Variants in SGCD observed in about 807,000 individuals in gnomAD.
The protein encoded by SGCD is delta-sarcoglycan.
SGCD carries 18 observed loss-of-function variants against 36.6 expected under a neutral mutation model. That is an observed-to-expected ratio of 0.49 (90% CI 0.34 to 0.73). SGCD has a LOEUF of 0.73. Among genes scored for constraint, SGCD ranks in the 30% least tolerant of loss-of-function variants. SGCD has a pLI of 0.01. For missense variants in SGCD, 387 were observed against 346.7 expected (o/e 1.12, Z -0.92); for synonymous variants, 133 against 130.6 (o/e 1.02, Z -0.12).
chr5:155,957,945 A>G (rs1356759013), intron 1 of SGCD, among the ~76,000 whole-genome samples: 2 of 152,110 alleles, frequency 1.3e-5, no homozygotes, highest in African/African-American at 2.4e-5. Flanking sequence ...AGTTGTAGGT[A>G]GGTAGTCCTG....
At chr5:155,832,511 A>G in the SGCD span, among the ~76,000 whole-genome samples, 1 of 152,204 alleles carries the variant, frequency 6.6e-6, no homozygotes, top group African/African-American at 2.4e-5. Context: ...TCAGGATACA[A>G]CGCAAGCATT....
At position 156,001,016 on chromosome 5, in the gene SGCD, T is replaced by G. The variant is rs79539111; in HGVS notation, c.-281-116862T>G. ...ACTTTTGGGGCTTGTTGTCTTTCAC[T>G]GGGACCATCCAAGGGATATCCATCA... On this transcript the variant is annotated intron_variant, in intron 1 of 9. Coordinates refer to the SGCD transcript ENST00000517913. 2.7e-3 allele frequency among the ~76,000 whole-genome samples: 414 copies of G among 152,248 alleles called. 1 individual carries two copies. The highest frequency in any genetic ancestry group is 9.5e-3 in the African/African-American group (396 of 41,544).
At chr5:156,336,017 A>G (rs1204973334) in intron 2 of SGCD, among the ~76,000 whole-genome samples, 1 of 152,158 alleles carries the variant, frequency 6.6e-6, no homozygotes, top group African/African-American at 2.4e-5. Context: ...TTCCATGCCT[A>G]GGTTCTGCAG....
Position 156,376,347 on chromosome 5 carries a change from C to A in SGCD, c.192+31670C>A, listed in dbSNP as rs759755748. Among the ~76,000 whole-genome samples the A allele has an allele frequency of 3.2e-4, 48 of 152,170 alleles. 2 individuals are homozygous for A. Among genetic ancestry groups the A allele is most frequent in the Admixed American group, 2.6e-4 (4 of 15,274 alleles). On this transcript the variant is annotated intron_variant, in intron 3 of 8. Transcript: ENST00000337851. ...ATGTACATCTGTTGACAAGATTTCA[C>A]CCACAACGTCATGACTGATGGAAGA... is the stretch of plus-strand genomic sequence containing the variant.
At chr5:155,809,915 A>C in the SGCD span, among the ~76,000 whole-genome samples, 1 of 152,204 alleles carries the variant, frequency 6.6e-6, no homozygotes, top group South Asian at 2.1e-4. Flanking sequence ...GATCCTGGCC[A>C]GTCAGTGGCC....
chr5:155,932,692 A>G (rs1757122021), intron 1 of SGCD, among the ~76,000 whole-genome samples: 1 of 152,176 alleles, frequency 6.6e-6, no homozygotes, highest in Non-Finnish European at 1.5e-5. Flanking sequence ...CTGATGTGTA[A>G]AATGTTTTAA....
At chr5:156,215,319 A>G (rs1764543856) in intron 3 of SGCD, among the ~76,000 whole-genome samples, 1 of 152,124 alleles carries the variant, frequency 6.6e-6, no homozygotes, top group African/African-American at 2.4e-5. Flanking sequence ...GCCAAAAGGT[A>G]AAAATACACA....
chr5:156,128,338 A>G (rs1396847552), intron 3 of SGCD, among the ~76,000 whole-genome samples: 3 of 152,222 alleles, frequency 2.0e-5, no homozygotes, highest in Non-Finnish European at 4.4e-5. Flanking sequence ...AGTTTCTTAT[A>G]AAGTTGTCCA....
intron 3 of SGCD, among the ~76,000 whole-genome samples, chr5:156,198,902 C>T (rs1764081599): frequency 6.6e-6 from 1 of 151,800 alleles, no homozygotes; most frequent in South Asian, 2.1e-4. Context: ...TGCTATGTTG[C>T]CTTGGTTGGA....
intron 2 of SGCD, among the ~76,000 whole-genome samples, chr5:156,335,194 A>G (rs1329256215): frequency 6.6e-6 from 1 of 152,200 alleles, no homozygotes; most frequent in Non-Finnish European, 1.5e-5. Context: ...CTCAACTAGT[A>G]CCTCATACAT....
chr5:156,452,553 C>A (rs946755505), intron 3 of SGCD, among the ~76,000 whole-genome samples: 1 of 152,110 alleles, frequency 6.6e-6, no homozygotes, highest in African/African-American at 2.4e-5. Flanking sequence ...TCTTAGGTAA[C>A]CCTCATAACA....
Position 156,647,473 on chromosome 5 carries a change from G to T in SGCD, c.512G>T (p.Gly171Val). 1 of 1,583,328 alleles carries T rather than the reference G, an allele frequency of 6.3e-7. No individual in the cohort carries two copies. Among genetic ancestry groups the T allele is most frequent in the Non-Finnish European group, 8.6e-7 (1 of 1,162,526 alleles). Residue 171 changes from glycine to valine, a missense_variant, in exon 7 of 9, where the codon GGC becomes GTC. Gly to Val is a moderately radical substitution (Grantham distance 109). Coordinates refer to ENST00000337851, the MANE Select transcript of SGCD (RefSeq NM_000337.6). Reference sequence around the variant, plus strand: ...TCTGTTTTGTTTACAGGAGCGGAGGGCACAGTGTTCCCTAAATCTATAGAA... The same window carrying T: ...TCTGTTTTGTTTACAGGAGCGGAGGTCACAGTGTTCCCTAAATCTATAGAA... ...AERLRVLGAEGTVFPKSIETP... is the reference protein window; with the variant it reads ...AERLRVLGAEVTVFPKSIETP...
At chr5:155,975,609 C>CCTTTTTTTTTTTTTTTTTTTTTTTT (rs1758096365) in intron 1 of SGCD, among the ~76,000 whole-genome samples, 2 of 28,008 alleles carry the variant, frequency 7.1e-5, no homozygotes, top group Non-Finnish European at 1.4e-4. Context: ...TCTTTCTTTC[C>CCTTTTTTTTTTTTTTTTTTTTTTTT]TTTTTTTTTT....
chr5:156,089,906 A>G (rs926473692), intron 1 of SGCD, among the ~76,000 whole-genome samples: 1 of 152,154 alleles, frequency 6.6e-6, no homozygotes, highest in Non-Finnish European at 1.5e-5. Context: ...ATTATTCCAT[A>G]GGCATCAGTT....
At chr5:155,896,376 G>A (rs1439514048) in intron 1 of SGCD, among the ~76,000 whole-genome samples, 1 of 151,548 alleles carries the variant, frequency 6.6e-6, no homozygotes, top group Non-Finnish European at 1.5e-5. Flanking sequence ...TGAGGTGGGT[G>A]AGAACTTTCA....
chr5:155,951,715 C>G (rs1259430886), intron 1 of SGCD, among the ~76,000 whole-genome samples: 1 of 152,058 alleles, frequency 6.6e-6, no homozygotes, highest in Non-Finnish European at 1.5e-5. Context: ...TAACTGTGCT[C>G]TTGCTTTTCT....
intron 4 of SGCD, among the ~76,000 whole-genome samples, chr5:156,528,925 T>C (rs888623264): frequency 6.6e-6 from 1 of 152,206 alleles, no homozygotes; most frequent in Non-Finnish European, 1.5e-5. Flanking sequence ...ACATCCCAGC[T>C]GTCTAGAATG....
At chr5:156,286,964 A>G (rs905010885) in intron 3 of SGCD, among the ~76,000 whole-genome samples, 10 of 152,082 alleles carry the variant, frequency 6.6e-5, no homozygotes, top group South Asian at 2.1e-4. Flanking sequence ...TTTATTGATC[A>G]CTCTGTGTTA....
chr5:156,232,504 A>G (rs577459471), intron 3 of SGCD, among the ~76,000 whole-genome samples: 9 of 152,286 alleles, frequency 5.9e-5, no homozygotes, highest in African/African-American at 1.9e-4. Context: ...TTCACACTCT[A>G]TCTGGTGACT....
Sources: allele counts gnomAD v4.1 joint callset (sites outside exome capture counted in the v4.1 genomes callset), GRCh38; gene constraint gnomAD v4.1.1; transcripts MANE v1.5; gene names NCBI Gene and HGNC (gene_info 2026-07-23, HGNC 2026-07-21).